Variants in SLF1 observed in about 807,000 individuals in gnomAD.
The protein encoded by SLF1 is SMC5/6 complex localization factor 1, also known as SMC5-SMC6 complex localization factor protein 1.
In SLF1, 105 loss-of-function variants were observed where a neutral mutation model predicts 123.0. The ratio of observed to expected loss-of-function variants is 0.85; its 90% confidence interval spans 0.73 to 1.00. The LOEUF (loss-of-function observed/expected upper bound fraction) is 1.00, where lower values mean the gene tolerates loss of function less well. SLF1 is among the 50% of genes least tolerant of loss of function. SLF1 has a pLI of 0.00. For synonymous variants in SLF1, 434 were observed against 406.6 expected (o/e 1.07, Z -0.81); for missense variants, 1,239 against 1,223.0 (o/e 1.01, Z -0.20).
chr5:94,653,132 C>T (rs1561443791), intron 7 of SLF1, 140 bp from the exon 8 acceptor site: 6 of 744,974 alleles, frequency 8.1e-6, no homozygotes, highest in East Asian at 3.7e-5. Flanking sequence ...GCAGAGATTA[C>T]AGGCATGAGC....
At chr5:94,664,017 T>G (rs1398913842) in intron 11 of SLF1, 109 bp downstream of exon 11, 1 of 1,140,904 alleles carries the variant, frequency 8.8e-7, no homozygotes, top group East Asian at 2.8e-5. Context: ...TCAGTGTTTT[T>G]TTTTCTTCAT....
rs770747238 is a variant in SLF1 at position 94,651,710 on chromosome 5, G to A, written c.747G>A (p.Met249Ile). ...TGTTTACAAACACGCAGAAAGAAATGCAAAATCATGAAGATGTTAATGTTG... is the reference window on the plus strand; with the variant it reads ...TGTTTACAAACACGCAGAAAGAAATACAAAATCATGAAGATGTTAATGTTG... Reference protein sequence around the residue: ...RETMYRTQKEMQNHEDVNVGS... With the variant: ...RETMYRTQKEIQNHEDVNVGS... Residue 249 changes from methionine (M) to isoleucine (I), a missense_variant, in exon 7 of 21, where the codon ATG (methionine) becomes ATA (isoleucine). Coordinates refer to ENST00000265140, the MANE Select transcript of SLF1 (RefSeq NM_032290.4). 4 of 1,519,364 alleles carry A rather than the reference G, an allele frequency of 2.6e-6. No individual in the cohort carries two copies. Among genetic ancestry groups the A allele is most frequent in the Non-Finnish European group, 3.5e-6 (4 of 1,134,892 alleles). 94.1% of individuals were successfully genotyped at this position (1,519,364 alleles called of 1,614,324 possible).
chr5:94,618,468 G>A (rs1791195478), upstream of SLF1: 1 of 152,766 alleles, frequency 6.5e-6, no homozygotes, highest in Non-Finnish European at 1.5e-5. Context: ...ATTAATATCA[G>A]GCGCAGGAGA....
chr5:94,695,877 ATT>A lies in SLF1; in HGVS notation c.*566_*567del, dbSNP rs1753484418. ...TCTAAAATTTACAGTAATAATTAAT[ATT>A]CTTTTGGTTTTTAAATGCAGCAAAT... On this transcript the variant is annotated 3_prime_UTR_variant, in exon 21 of 21. Coordinates refer to ENST00000265140, the MANE Select transcript of SLF1 (RefSeq NM_032290.4). 6.6e-6 allele frequency: 1 copy of A among 151,790 alleles called. No individual in the cohort carries two copies. Among genetic ancestry groups the A allele is most frequent in the Non-Finnish European group, 1.5e-5 (1 of 67,834 alleles). The allele number at this position is 151,790 out of a possible 1,614,324, so 9.4% of individuals were successfully genotyped here.
chr5:94,672,557 T>G (rs1280884275), intron 14 of SLF1, among the ~76,000 whole-genome samples: 1 of 151,840 alleles, frequency 6.6e-6, no homozygotes, highest in African/African-American at 2.4e-5. Context: ...CTGGATAGTA[T>G]TTTCGTCCAG....
chr5:94,625,992 C>A (rs533911224), intron 1 of SLF1, among the ~76,000 whole-genome samples: 1 of 151,970 alleles, frequency 6.6e-6, no homozygotes, highest in Non-Finnish European at 1.5e-5. Flanking sequence ...CGGTGGCTCA[C>A]GCTTGTAATC....
At chr5:94,658,274 G>A (rs961923901) in intron 9 of SLF1, among the ~76,000 whole-genome samples, 2 of 150,834 alleles carry the variant, frequency 1.3e-5, no homozygotes, top group Non-Finnish European at 3.0e-5. Context: ...TCATCCGTTT[G>A]CTTCCAATTG....
chr5:94,688,081 T>C (rs2152497869), intron 16 of SLF1, among the ~76,000 whole-genome samples: 1 of 149,590 alleles, frequency 6.7e-6, no homozygotes, highest in Non-Finnish European at 1.5e-5. Flanking sequence ...AACAATCCTT[T>C]AAGGATGTTT....
At chr5:94,663,958 A>G in intron 11 of SLF1, 50 bp downstream of exon 11, 2 of 1,426,928 alleles carry the variant, frequency 1.4e-6, no homozygotes, top group East Asian at 2.6e-5. Flanking sequence ...GAATGTTAAA[A>G]TGTGAACATT....
At position 94,649,470 on chromosome 5, in the gene SLF1, A is replaced by G; in HGVS notation, c.611A>G (p.Asp204Gly). 1.3e-6 allele frequency: 2 copies of G among 1,498,190 alleles called. No individual in the cohort carries two copies. 92.8% of individuals were successfully genotyped at this position (1,498,190 alleles called of 1,614,324 possible). The change falls in exon 6 of 21, where the codon GAT (aspartate) becomes GGT (glycine). Residue 204 changes from aspartate (D) to glycine (G), a missense_variant. Coordinates refer to ENST00000265140, the MANE Select transcript of SLF1 (RefSeq NM_032290.4). Reference protein sequence around the residue: ...DFLLEKEIQNDEDSQTNSVWT... With the variant: ...DFLLEKEIQNGEDSQTNSVWT... ...TACATACAGAAAGAAATTCAGAATGATGAAGATTCCCAAACCAATTCTGTT... is the reference window on the plus strand; with the variant it reads ...TACATACAGAAAGAAATTCAGAATGGTGAAGATTCCCAAACCAATTCTGTT...
At position 94,686,515 on chromosome 5, in the gene SLF1, T is replaced by C. The variant is rs1247681601; in HGVS notation, c.1976-58T>C. On this transcript the variant is annotated intron_variant, in intron 15 of 20. Coordinates refer to ENST00000265140, the MANE Select transcript of SLF1 (RefSeq NM_032290.4). ...TAAACTTCACTAAGGAAATAGCCTA[T>C]GGAAAAAATTGTATAGGATACAGCA... The C allele has an allele frequency of 2.6e-6, 4 of 1,561,574 alleles. No individual in the cohort carries two copies. In the African/African-American group the frequency reaches 4.1e-5, roughly 16 times the overall value.
chr5:94,677,251 G>A (rs1457740999), intron 14 of SLF1, among the ~76,000 whole-genome samples: 3 of 152,056 alleles, frequency 2.0e-5, no homozygotes, highest in Non-Finnish European at 2.9e-5. Flanking sequence ...AAACACCTTT[G>A]ATTTAAATAT....
intron 1 of SLF1, among the ~76,000 whole-genome samples, chr5:94,623,040 A>G (rs1015210207): frequency 1.3e-5 from 2 of 151,904 alleles, no homozygotes; most frequent in African/African-American, 4.8e-5. Context: ...TCTGAGCTCA[A>G]TTTTCAACAT....
intron 1 of SLF1, among the ~76,000 whole-genome samples, chr5:94,627,440 G>A (rs917015781): frequency 6.6e-6 from 1 of 151,804 alleles, no homozygotes; most frequent in Non-Finnish European, 1.5e-5. Flanking sequence ...TGTGAGTTAT[G>A]TACTCCCTAA....
chr5:94,649,511 A>G lies in SLF1; in HGVS notation c.652A>G (p.Asn218Asp), dbSNP rs570647807. The change falls in exon 6 of 21, where the codon AAT becomes GAT. Residue 218 changes from asparagine to aspartate, a missense_variant. Coordinates refer to ENST00000265140, the MANE Select transcript of SLF1 (RefSeq NM_032290.4). ...QTNSVWTEHSNEETNKDFRKD... is the reference protein window; with the variant it reads ...QTNSVWTEHSDEETNKDFRKD... Reference sequence around the variant, plus strand: ...CAATTCTGTTTGGACTGAACATAGCAATGAAGAAACAAACAAAGATTTCAG... The same window carrying G: ...CAATTCTGTTTGGACTGAACATAGCGATGAAGAAACAAACAAAGATTTCAG... 16 of 1,544,534 alleles carry G rather than the reference A, an allele frequency of 1.0e-5. No individual in the cohort carries two copies. The highest frequency in any genetic ancestry group is 1.4e-5 in the Non-Finnish European group (16 of 1,141,874).
chr5:94,619,269 C>T (rs1791389696), intron 1 of SLF1, among the ~76,000 whole-genome samples: 1 of 151,606 alleles, frequency 6.6e-6, no homozygotes, highest in Middle Eastern at 3.2e-3. Flanking sequence ...TTGTGTCATT[C>T]TTTCCTCTCT....
chr5:94,642,715 T>G (rs1746581059), intron 4 of SLF1, among the ~76,000 whole-genome samples: 1 of 152,212 alleles, frequency 6.6e-6, no homozygotes, highest in South Asian at 2.1e-4. Flanking sequence ...GTCTCCCTTG[T>G]GTGTGTCTTC....
chr5:94,666,347 C>T (rs1279766621), intron 12 of SLF1, among the ~76,000 whole-genome samples: 3 of 152,020 alleles, frequency 2.0e-5, no homozygotes, highest in African/African-American at 7.2e-5. Flanking sequence ...ATATGCATAT[C>T]ATCAGTTTTT....
At chr5:94,625,920 C>A in intron 1 of SLF1, among the ~76,000 whole-genome samples, 1 of 151,958 alleles carries the variant, frequency 6.6e-6, no homozygotes, top group African/African-American at 2.4e-5. Flanking sequence ...TATTAACATT[C>A]AAGAGCTACA....
Sources: allele counts gnomAD v4.1 joint callset (sites outside exome capture counted in the v4.1 genomes callset), GRCh38; gene constraint gnomAD v4.1.1; transcripts MANE v1.5; gene names NCBI Gene and HGNC (gene_info 2026-07-23, HGNC 2026-07-21).